Variants in PRKACB observed in about 807,000 individuals in gnomAD.
The protein encoded by PRKACB is protein kinase cAMP-activated catalytic subunit beta.
PRKACB carries 16 observed loss-of-function variants against 51.4 expected under a neutral mutation model. The observed-to-expected ratio is 0.31, with a 90% confidence interval of 0.21 to 0.47. The LOEUF is 0.47. Among genes scored for constraint, PRKACB ranks in the 20% least tolerant of loss-of-function variants. The pLI is 1.00. For synonymous variants in PRKACB, 147 were observed against 154.4 expected, an observed-to-expected ratio of 0.95 and a Z score of 0.35; for missense variants, 309 against 464.5, an observed-to-expected ratio of 0.67 and a Z score of 3.08.
intron 1 of PRKACB, among the ~76,000 whole-genome samples, chr1:84,153,232 A>G (rs1558033454): frequency 6.6e-6 from 1 of 152,092 alleles, no homozygotes; most frequent in African/African-American, 2.4e-5. Context: ...ACATCTGAAC[A>G]CAGATCGCCA....
chr1:84,171,081 T>C (rs542367275), intron 1 of PRKACB, among the ~76,000 whole-genome samples: 2 of 151,748 alleles, frequency 1.3e-5, no homozygotes, highest in South Asian at 4.2e-4. Context: ...CACAAATGTA[T>C]ACATTTGGAG....
chr1:84,169,227 T>C (rs758314417), intron 1 of PRKACB, among the ~76,000 whole-genome samples: 17 of 151,604 alleles, frequency 1.1e-4, no homozygotes, highest in Non-Finnish European at 2.4e-4. Flanking sequence ...ATTTAGAAAA[T>C]ATTTGTGCAG....
chr1:84,222,840 A>C (rs652426), intron 9 of PRKACB, among the ~76,000 whole-genome samples: 145,144 of 152,184 alleles, frequency 0.95, 69,613 homozygotes, highest in South Asian at 1. Context: ...TATATCATCC[A>C]ATTCTCTCCT....
intron 1 of PRKACB, among the ~76,000 whole-genome samples, chr1:84,110,282 A>T (rs532677028): frequency 1.2e-4 from 18 of 152,060 alleles, no homozygotes; most frequent in African/African-American, 4.3e-4. Flanking sequence ...TTTACAGTGT[A>T]TTAGGTATTA....
intron 1 of PRKACB, among the ~76,000 whole-genome samples, chr1:84,156,284 T>C (rs992462539): frequency 6.6e-6 from 1 of 152,090 alleles, no homozygotes; most frequent in African/African-American, 2.4e-5. Context: ...CATGAACATA[T>C]AAGCTAGTGA....
At chr1:84,125,958 C>G (rs1170574175) in intron 1 of PRKACB, among the ~76,000 whole-genome samples, 1 of 152,088 alleles carries the variant, frequency 6.6e-6, no homozygotes, top group Non-Finnish European at 1.5e-5. Flanking sequence ...TTACTCAGCT[C>G]GCAGCTCTCA....
rs776318440 is a variant in PRKACB, at chr1:84,179,238, G to A, written c.249G>A (p.Gln83=). ...TGAAAAAATGGGAGAATCCAACTCA[G>A]GTAAGGAATATTTAGATTTTTCTAA... ...DFLKKWENPT[Q]NNAGLEDFER... Residue 83 remains glutamine (Q), a splice_region_variant and synonymous_variant, in exon 2 of 10, where the codon CAG becomes CAA. Coordinates refer to ENST00000370685, the MANE Select transcript of PRKACB (RefSeq NM_182948.4). 2.6e-5 allele frequency: 40 copies of A among 1,565,712 alleles called. No individual in the cohort carries two copies. The highest frequency in any genetic ancestry group is 3.3e-5 in the Non-Finnish European group (38 of 1,157,584).
intron 9 of PRKACB, among the ~76,000 whole-genome samples, chr1:84,220,697 T>C (rs1053831181): frequency 6.6e-6 from 1 of 152,212 alleles, no homozygotes; most frequent in Non-Finnish European, 1.5e-5. Flanking sequence ...ATTGAGATGA[T>C]CATATGATTT....
chr1:84,198,341 A>T (rs530624108), intron 7 of PRKACB, among the ~76,000 whole-genome samples: 2 of 152,236 alleles, frequency 1.3e-5, no homozygotes, highest in South Asian at 4.1e-4. Context: ...GGTGAGAGAA[A>T]CTGTACCTAT....
At chr1:84,139,668 A>G (rs1653185186), upstream of PRKACB, among the ~76,000 whole-genome samples, 1 of 152,220 alleles carries the variant, frequency 6.6e-6, no homozygotes, top group South Asian at 2.1e-4. Context: ...AATCCAAATA[A>G]AATCCCAGCA....
chr1:84,131,788 A>G (rs1048195630), intron 1 of PRKACB, among the ~76,000 whole-genome samples: 2 of 152,200 alleles, frequency 1.3e-5, no homozygotes, highest in Non-Finnish European at 2.9e-5. Flanking sequence ...CTGGAGGCTG[A>G]GTGTGGACTA....
At chr1:84,202,085 G>A (rs1670282680) in intron 7 of PRKACB, among the ~76,000 whole-genome samples, 1 of 151,904 alleles carries the variant, frequency 6.6e-6, no homozygotes, top group Non-Finnish European at 1.5e-5. Flanking sequence ...GATAGCAGAA[G>A]TAAAGTATAC....
chr1:84,224,119 T>G (rs1674193012), intron 9 of PRKACB, among the ~76,000 whole-genome samples: 1 of 152,226 alleles, frequency 6.6e-6, no homozygotes, highest in African/African-American at 2.4e-5. Flanking sequence ...ATTTCCTCAG[T>G]GGCTTAGGCC....
intron 9 of PRKACB, among the ~76,000 whole-genome samples, chr1:84,224,344 T>A (rs1217614073): frequency 1.3e-5 from 2 of 152,186 alleles, no homozygotes; most frequent in Non-Finnish European, 2.9e-5. Flanking sequence ...GCTGAGCATA[T>A]GGATGAGACC....
At chr1:84,139,374 T>G (rs1335702398), upstream of PRKACB, among the ~76,000 whole-genome samples, 1 of 152,184 alleles carries the variant, frequency 6.6e-6, no homozygotes, top group Non-Finnish European at 1.5e-5. Context: ...ATGTATTAGT[T>G]TGGTACAAAA....
intron 9 of PRKACB, among the ~76,000 whole-genome samples, chr1:84,228,571 T>C (rs1352198288): frequency 6.6e-6 from 1 of 152,208 alleles, no homozygotes; most frequent in Non-Finnish European, 1.5e-5. Flanking sequence ...GTACCCACAT[T>C]TAATCTTTAT....
chr1:84,164,114 A>C (rs1656669021), intron 1 of PRKACB, among the ~76,000 whole-genome samples: 1 of 152,078 alleles, frequency 6.6e-6, no homozygotes, highest in Non-Finnish European at 1.5e-5. Context: ...AAGTTTACAA[A>C]TAAGTTATTC....
At chr1:84,206,867 T>C (rs764228021) in intron 8 of PRKACB, among the ~76,000 whole-genome samples, 2 of 152,194 alleles carry the variant, frequency 1.3e-5, no homozygotes, top group Non-Finnish European at 2.9e-5. Flanking sequence ...CAGTTCTTTC[T>C]AAGGGTAGCA....
At chr1:84,215,237 G>A (rs976159436) in intron 9 of PRKACB, among the ~76,000 whole-genome samples, 1 of 152,078 alleles carries the variant, frequency 6.6e-6, no homozygotes, top group East Asian at 1.9e-4. Flanking sequence ...ATTTATTCAC[G>A]TAAGATTTTT....
Sources: allele counts gnomAD v4.1 joint callset (sites outside exome capture counted in the v4.1 genomes callset), GRCh38; gene constraint gnomAD v4.1.1; transcripts MANE v1.5; gene names NCBI Gene and HGNC (gene_info 2026-07-23, HGNC 2026-07-21).